Variants in IL1RL1 observed in about 807,000 individuals in gnomAD.
The protein encoded by IL1RL1 is interleukin-1 receptor-like 1.
IL1RL1 carries 32 observed loss-of-function variants against 50.9 expected under a neutral mutation model. The observed-to-expected ratio is 0.63, with a 90% CI of 0.47 to 0.84. The LOEUF (loss-of-function observed/expected upper bound fraction) is 0.84. Among genes scored for constraint, IL1RL1 ranks in the 40% least tolerant of loss-of-function variants. The pLI is 0.00. For synonymous variants in IL1RL1, 275 were observed against 236.0 expected, an observed-to-expected ratio of 1.17 and a Z score of -1.51; for missense variants, 773 against 662.9, an observed-to-expected ratio of 1.17 and a Z score of -1.82.
chr2:102,350,173 C>T (rs984996538), intron 10 of IL1RL1, among the ~76,000 whole-genome samples: 1 of 152,230 alleles, frequency 6.6e-6, no homozygotes, highest in Non-Finnish European at 1.5e-5. Context: ...TCCCACTGGC[C>T]ACCCATGCAG....
intron 1 of IL1RL1, among the ~76,000 whole-genome samples, chr2:102,311,972 T>A (rs1320426487): frequency 5.6e-5 from 1 of 17,898 alleles, no homozygotes; most frequent in Non-Finnish European, 1.0e-4. Context: ...ATATATAATA[T>A]TATATATAAT....
At chr2:102,326,129 G>A (rs1429661283) in intron 1 of IL1RL1, among the ~76,000 whole-genome samples, 1 of 152,246 alleles carries the variant, frequency 6.6e-6, no homozygotes, top group African/African-American at 2.4e-5. Flanking sequence ...ACAAGGGGAA[G>A]CCCATCAGAC....
chr2:102,345,982 T>G, intron 8 of IL1RL1: 1 of 985,354 alleles, frequency 1.0e-6, no homozygotes, highest in African/African-American at 1.7e-5. Flanking sequence ...GTGTTACAGG[T>G]GTTTAATGAT....
chr2:102,314,280 T>G (rs1293319529), intron 1 of IL1RL1, among the ~76,000 whole-genome samples: 1 of 152,204 alleles, frequency 6.6e-6, no homozygotes, highest in Non-Finnish European at 1.5e-5. Context: ...AAGTCCTTGC[T>G]GACTCCAATC....
At chr2:102,332,136 T>C (rs1178443385) in intron 1 of IL1RL1, among the ~76,000 whole-genome samples, 1 of 152,186 alleles carries the variant, frequency 6.6e-6, no homozygotes, top group Non-Finnish European at 1.5e-5. Context: ...TCCAGGCACA[T>C]GAGCTATATC....
At chr2:102,340,577 A>T in intron 4 of IL1RL1, 89 bp from the exon 5 acceptor site, 1 of 1,350,986 alleles carries the variant, frequency 7.4e-7, no homozygotes, top group Non-Finnish European at 1.0e-6. Flanking sequence ...TGCACCACTC[A>T]CTCCAGCCTA....
chr2:102,311,882 A>G (rs1473437339), intron 1 of IL1RL1, among the ~76,000 whole-genome samples: 2 of 39,018 alleles, frequency 5.1e-5, no homozygotes, highest in Non-Finnish European at 8.8e-5. Context: ...ATTATATAAT[A>G]TAATATATAA....
At position 102,338,239 on chromosome 2, in the gene IL1RL1, A is replaced by G. The variant is rs1473282554; in HGVS notation, c.-26A>G. ...GAGTAATCTCAACAACGAGTTACCAATACTTGCTCTTGATTGATAAACAGA... is the reference window on the plus strand; with the variant it reads ...GAGTAATCTCAACAACGAGTTACCAGTACTTGCTCTTGATTGATAAACAGA... On this transcript the variant is annotated 5_prime_UTR_variant, in exon 2 of 11. Transcript: ENST00000233954. 2 of 1,556,320 alleles carry G rather than the reference A, an allele frequency of 1.3e-6. No individual in the cohort carries two copies. The highest frequency in any genetic ancestry group is 1.8e-6 in the Non-Finnish European group (2 of 1,130,446).
Position 102,343,148 on chromosome 2 carries a change from A to C in IL1RL1, c.795A>C (p.Arg265Ser), listed in dbSNP as rs1410923817. ...AAATTACAGACTTTGGTGAACCAAG[A>C]ATTCAACAAGAGGAAGGGCAAAATC... ...GTKITDFGEP[R>S]IQQEEGQNQS... The change falls in exon 7 of 11, where the codon AGA (arginine) becomes AGC (serine). Residue 265 changes from arginine (R) to serine (S), a missense_variant. Coordinates refer to ENST00000233954, the MANE Select transcript of IL1RL1 (RefSeq NM_016232.5). 3.7e-6 allele frequency: 6 copies of C among 1,614,028 alleles called. No homozygotes were observed. The highest frequency in any genetic ancestry group is 5.1e-6 in the Non-Finnish European group (6 of 1,180,012).
rs555407302 is a variant in IL1RL1, at chr2:102,325,707, G to A, written c.-149-12409G>A. ...GGCACGAGAACTACGTGATGAATGC[G>A]CAAGCCTCAGTAGCCGATTTGATCA... On this transcript the variant is annotated intron_variant, in intron 1 of 10. Transcript: ENST00000233954. Among the ~76,000 whole-genome samples the A allele has an allele frequency of 1.6e-3, 242 of 152,248 alleles. 3 individuals are homozygous for A. The highest frequency in any genetic ancestry group is 5.5e-3 in the African/African-American group (229 of 41,532).
At position 102,348,782 on chromosome 2, in the gene IL1RL1, G is replaced by A. The variant is rs184011078; in HGVS notation, c.1118-297G>A. ...AAACCAAAGTCTATTCAGCACAGAA[G>A]GCCCCCTTAGTCATAGATTATTAAT... On this transcript the variant is annotated intron_variant, in intron 9 of 10. Transcript: ENST00000233954. Among the ~76,000 whole-genome samples the A allele has an allele frequency of 2.2e-4, 33 of 152,288 alleles. No individual in the cohort carries two copies. In the East Asian group the frequency reaches 6.4e-3, roughly 29 times the overall value.
At chr2:102,339,302 C>T in intron 3 of IL1RL1, 1 of 404,356 alleles carries the variant, frequency 2.5e-6, no homozygotes, top group African/African-American at 2.0e-5. Context: ...ACCTAGCTTT[C>T]CTAGTGACCA....
chr2:102,317,473 A>T (rs539147811), intron 1 of IL1RL1, among the ~76,000 whole-genome samples: 1 of 152,288 alleles, frequency 6.6e-6, no homozygotes, highest in African/African-American at 2.4e-5. Flanking sequence ...CACTCCTTTA[A>T]TACAACAAAC....
intron 1 of IL1RL1, among the ~76,000 whole-genome samples, chr2:102,337,785 C>T (rs928107057): frequency 6.6e-6 from 1 of 151,928 alleles, no homozygotes; most frequent in Non-Finnish European, 1.5e-5. Flanking sequence ...TTTCTAAAGT[C>T]TACTGAATTT....
At chr2:102,350,454 A>G (rs1338872916) in intron 10 of IL1RL1, among the ~76,000 whole-genome samples, 2 of 152,254 alleles carry the variant, frequency 1.3e-5, no homozygotes, top group Admixed American at 1.3e-4. Flanking sequence ...CCCTCTGTCA[A>G]TGCATGTCCT....
At chr2:102,344,813 T>A in intron 8 of IL1RL1, 1 of 938,044 alleles carries the variant, frequency 1.1e-6, no homozygotes, top group Non-Finnish European at 1.3e-6. Context: ...TTTATATTTA[T>A]GTTTGGTAAA....
At chr2:102,345,641 A>C (rs1006223967) in intron 8 of IL1RL1, 53 of 985,232 alleles carry the variant, frequency 5.4e-5, no homozygotes, top group Non-Finnish European at 6.1e-5. Flanking sequence ...CTGAAGTGCT[A>C]TGTGGGGTTT....
chr2:102,329,493 T>A (rs1457614180), intron 1 of IL1RL1, among the ~76,000 whole-genome samples: 1 of 152,066 alleles, frequency 6.6e-6, no homozygotes, highest in Non-Finnish European at 1.5e-5. Context: ...ACAAATGGGA[T>A]CTAATTAAAC....
intron 10 of IL1RL1, among the ~76,000 whole-genome samples, chr2:102,350,527 G>C (rs896595598): frequency 6.6e-6 from 1 of 152,232 alleles, no homozygotes; most frequent in Admixed American, 6.5e-5. Context: ...CTTCACTTAG[G>C]AAAGTTCATG....
Sources: gnomAD v4.1 joint callset for allele counts (sites outside exome capture counted in the v4.1 genomes callset) on GRCh38, gnomAD v4.1.1 for gene constraint, MANE v1.5 for transcripts, NCBI Gene and HGNC (gene_info 2026-07-23, HGNC 2026-07-21) for gene names.